Variants in DNAH2 observed in about 807,000 individuals in gnomAD.
DNAH2 encodes the protein dynein axonemal heavy chain 2.
A neutral mutation model predicts 523.5 loss-of-function variants in DNAH2; 323 were observed. The ratio of observed to expected loss-of-function variants is 0.62; its 90% CI spans 0.56 to 0.68. DNAH2 has a LOEUF of 0.68. DNAH2 is among the 30% of genes least tolerant of loss of function. DNAH2 has a pLI of 0.00. For missense variants in DNAH2, 4,907 were observed against 5,701.5 expected (o/e 0.86, Z 4.49); for synonymous variants, 2,093 against 2,177.4 (o/e 0.96, Z 1.08).
At chr17:7,759,205 A>G in intron 15 of DNAH2, 81 bp downstream of exon 15, 1 of 1,575,500 alleles carries the variant, frequency 6.3e-7, no homozygotes. Flanking sequence ...TTGCTCCCCG[A>G]CCCTTTTTTC....
At chr17:7,771,232 A>C in intron 27 of DNAH2, 98 bp from the exon 28 acceptor site, 1 of 1,542,476 alleles carries the variant, frequency 6.5e-7, no homozygotes, top group African/African-American at 1.4e-5. Context: ...AGCACTCTGT[A>C]TCTTCTACCC....
At chr17:7,733,926 C>T (rs994010645) in intron 5 of DNAH2, among the ~76,000 whole-genome samples, 5 of 152,110 alleles carry the variant, frequency 3.3e-5, no homozygotes, top group African/African-American at 9.7e-5. Context: ...TCACATGTCT[C>T]GTGGTAGAGA....
At chr17:7,764,420 T>A in intron 20 of DNAH2, 147 bp downstream of exon 20, 1 of 933,444 alleles carries the variant, frequency 1.1e-6, no homozygotes. Flanking sequence ...AAATGATACC[T>A]TTACTTAGCT....
rs545255538 is a variant in DNAH2 at position 7,800,760 on chromosome 17, G to T, written c.8700-818G>T. Among the ~76,000 whole-genome samples, 464 of 150,458 alleles carry T rather than the reference G, an allele frequency of 3.1e-3. 1 individual carries two copies. Among genetic ancestry groups the T allele is most frequent in the Non-Finnish European group, 4.1e-3 (274 of 67,542 alleles). On this transcript the variant is annotated intron_variant, in intron 56 of 85. Transcript: ENST00000572933. ...CGGGCACCTGTAGTCCCAGCTACTC[G>T]GGAGGCTGAGGCAGGAGAATGGCGT...
Position 7,734,686 on chromosome 17 carries a change from T to A in DNAH2, c.956T>A (p.Met319Lys), listed in dbSNP as rs750898784. 6 of 1,612,460 alleles carry A rather than the reference T, an allele frequency of 3.7e-6. No homozygotes were observed. In the African/African-American group the frequency reaches 6.7e-5, roughly 18 times the overall value. ...AAGTCGTCCTACTTGGCGCCCTTTATGAAACTGGCACAGCAGATCCAGGTT... is the reference window on the plus strand; with the variant it reads ...AAGTCGTCCTACTTGGCGCCCTTTAAGAAACTGGCACAGCAGATCCAGGTT... The part of the protein sequence containing the change: ...LAKSSYLAPF[M>K]KLAQQIQDGS... Residue 319 changes from methionine to lysine, a missense_variant, in exon 7 of 86, where the codon ATG becomes AAG. Physicochemically the swap from Met to Lys is moderately conservative, Grantham distance 95. This residue lies in a region of DNAH2 where 2,806 missense variants were observed against 3,190.8 expected (regional missense o/e 0.88). Transcript: ENST00000572933.
chr17:7,793,992 A>G (rs2076993867), intron 48 of DNAH2, among the ~76,000 whole-genome samples: 1 of 152,176 alleles, frequency 6.6e-6, no homozygotes, highest in Non-Finnish European at 1.5e-5. Context: ...GTATTTTCTC[A>G]TTTGGGTACA....
At chr17:7,763,769 G>C (rs2076073838) in intron 18 of DNAH2, 62 bp from the exon 19 acceptor site, 3 of 1,594,866 alleles carry the variant, frequency 1.9e-6, no homozygotes, top group Admixed American at 1.7e-5. Flanking sequence ...CAGCCCGTGT[G>C]GGGACAGAGG....
Position 7,739,778 on chromosome 17 carries a change from C to G in DNAH2, c.1216C>G (p.Gln406Glu), listed in dbSNP as rs1475349083. The change falls in exon 9 of 86, where the codon CAG becomes GAG. Residue 406 changes from glutamine to glutamate, a missense_variant. Gln to Glu is a conservative substitution (Grantham distance 29). Transcript: ENST00000572933. ...CTTCGCCCGCTGGGAAGATGGCAAG[C>G]AGGGTCCCCTTCCTTGCTTCTTTGG... ...YHFARWEDGK[Q>E]GPLPCFFGAQ... 1 of 1,613,768 alleles carries G rather than the reference C, an allele frequency of 6.2e-7. No homozygotes were observed. The highest frequency in any genetic ancestry group is 1.3e-5 in the African/African-American group (1 of 74,886).
intron 3 of DNAH2, among the ~76,000 whole-genome samples, chr17:7,725,580 A>G (rs963390055): frequency 6.7e-6 from 1 of 149,790 alleles, no homozygotes; most frequent in Non-Finnish European, 1.5e-5. Flanking sequence ...TTACAGGTGC[A>G]TGCCACCATG....
chr17:7,770,843 G>A lies in DNAH2; in HGVS notation c.4272G>A (p.Lys1424=), dbSNP rs1255376306. 1 of 1,614,206 alleles carries A rather than the reference G, an allele frequency of 6.2e-7. No homozygotes were observed. The highest frequency in any genetic ancestry group is 8.5e-7 in the Non-Finnish European group (1 of 1,180,046). ...KASRFVKAFE[K]DVDHWERCLS... ...CACGCTTTGTCAAGGCCTTTGAGAA[G>A]GATGTGGACCACTGGGAACGCTGCC... Residue 1424 remains lysine (K), a synonymous_variant, in exon 27 of 86, where the codon AAG becomes AAA. Transcript: ENST00000572933.
intron 63 of DNAH2, among the ~76,000 whole-genome samples, chr17:7,816,164 C>A (rs2077659195): frequency 6.6e-6 from 1 of 152,132 alleles, no homozygotes. Flanking sequence ...CTTTTTCTTC[C>A]TCTTTCAAGG....
Position 7,759,951 on chromosome 17 carries a change from C to T in DNAH2, c.2785+13C>T, listed in dbSNP as rs192540977. On this transcript the variant is annotated intron_variant, in intron 17 of 85. Transcript: ENST00000572933. The stretch of plus-strand genomic sequence containing the variant: ...CAAACAGTTGTGGGTGAGTGGGCAA[C>T]GGGGAGGGCACAAGGCACAGGGTTT... The T allele has an allele frequency of 2.5e-4, 410 of 1,614,128 alleles. 2 individuals carry two copies. In the African/African-American group the frequency reaches 4.4e-3, roughly 17 times the overall value.
At chr17:7,814,649 G>A (rs1305310745) in intron 63 of DNAH2, among the ~76,000 whole-genome samples, 1 of 152,206 alleles carries the variant, frequency 6.6e-6, no homozygotes, top group Non-Finnish European at 1.5e-5. Flanking sequence ...TGAGGCTGGA[G>A]GATCACCTGA....
rs375561350 is a variant in DNAH2 at position 7,779,393 on chromosome 17, T to A, written c.5692T>A (p.Ser1898Thr). 4.3e-5 allele frequency: 70 copies of A among 1,613,820 alleles called. No individual in the cohort carries two copies. The highest frequency in any genetic ancestry group is 5.8e-5 in the Non-Finnish European group (68 of 1,179,956). The change falls in exon 36 of 86, where the codon TCC becomes ACC. Residue 1898 changes from serine to threonine, a missense_variant. Ser to Thr is a moderately conservative substitution (Grantham distance 58). This residue lies in a region of DNAH2 where 2,806 missense variants were observed against 3,190.8 expected (regional missense o/e 0.88). Coordinates refer to ENST00000572933, the MANE Select transcript of DNAH2 (RefSeq NM_020877.5). ...FDGFEINLVWSCGIFITMNPG... is the reference protein window; with the variant it reads ...FDGFEINLVWTCGIFITMNPG... ...TGGCTTTGAAATAAATCTGGTGTGG[T>A]CCTGTGGGATCTTCATTACCATGAA... is the stretch of plus-strand genomic sequence containing the variant.
Position 7,798,509 on chromosome 17 carries a change from A to G in DNAH2, c.8399-49A>G, listed in dbSNP as rs577960362. The G allele has an allele frequency of 2.7e-5, 44 of 1,607,380 alleles. No individual in the cohort carries two copies. In the East Asian group the frequency reaches 9.6e-4, roughly 35 times the overall value. On this transcript the variant is annotated intron_variant, in intron 54 of 85. Coordinates refer to ENST00000572933, the MANE Select transcript of DNAH2 (RefSeq NM_020877.5). The surrounding 1 kb of genome is among the most constrained non-coding windows in gnomAD (Gnocchi z 5.5). ...AAATCTCAGAAAAGGAATCAAGCCC[A>G]GGATGGGGAATCTGCAGTGAGTTTG...
In DNAH2 at chr17:7,782,786, C is replaced by G. The variant is rs140216380; in HGVS notation, c.6129+1619C>G. Reference sequence around the variant, plus strand: ...TTCAAGACCAGCCTGGGTAACATAGCAAGACCTCCATCTCTTAAAAAAAAA... The same window carrying G: ...TTCAAGACCAGCCTGGGTAACATAGGAAGACCTCCATCTCTTAAAAAAAAA... On this transcript the variant is annotated intron_variant, in intron 39 of 85. Coordinates refer to ENST00000572933, the MANE Select transcript of DNAH2 (RefSeq NM_020877.5). 9.5e-4 allele frequency among the ~76,000 whole-genome samples: 144 copies of G among 151,874 alleles called. 4 individuals carry two copies. Among genetic ancestry groups the G allele is most frequent in the African/African-American group, 2.9e-4 (12 of 41,438 alleles).
intron 61 of DNAH2, among the ~76,000 whole-genome samples, chr17:7,806,349 CA>C (rs1288169453): frequency 6.6e-6 from 1 of 152,054 alleles, no homozygotes; most frequent in African/African-American, 2.4e-5. Context: ...GTATATTAAC[CA>C]AAATTGTCCT....
In DNAH2 at chr17:7,795,108, G is replaced by C. The variant is rs189546180; in HGVS notation, c.7674+750G>C. Among the ~76,000 whole-genome samples, 57 of 152,090 alleles carry C rather than the reference G, an allele frequency of 3.7e-4. 1 individual carries two copies. The highest frequency in any genetic ancestry group is 1.3e-3 in the African/African-American group (52 of 41,470). Reference sequence around the variant, plus strand: ...GAACTGGAGAAGTATGTGGGGCCAAGGGATCCCAGGGGAACAGGGAAGGTA... The same window carrying C: ...GAACTGGAGAAGTATGTGGGGCCAACGGATCCCAGGGGAACAGGGAAGGTA... On this transcript the variant is annotated intron_variant, in intron 49 of 85. Transcript: ENST00000572933.
intron 76 of DNAH2, 89 bp downstream of exon 76, chr17:7,824,393 C>A (rs2077960614): frequency 3.4e-6 from 5 of 1,460,152 alleles, no homozygotes; most frequent in Non-Finnish European, 4.5e-6. Flanking sequence ...TGTCCCTGTA[C>A]CTCCCACTTC....
Sources: allele counts gnomAD v4.1 joint callset (sites outside exome capture counted in the v4.1 genomes callset), GRCh38; gene constraint gnomAD v4.1.1; regional missense constraint gnomAD v4.1.1; non-coding constraint Gnocchi (gnomAD v3.1); transcripts MANE v1.5; gene names NCBI Gene and HGNC (gene_info 2026-07-23, HGNC 2026-07-21).